The following DCLK1 variants were observed in gnomAD, a reference collection of about 807,000 sequenced individuals.
The protein encoded by DCLK1 is doublecortin like kinase 1, also known as serine/threonine-protein kinase DCLK1.
In DCLK1, 16 loss-of-function variants were observed where a neutral mutation model predicts 86.2. The observed-to-expected ratio is 0.19, with a 90% CI of 0.13 to 0.28. The LOEUF is 0.28. Among genes scored for constraint, DCLK1 ranks in the 10% least tolerant of loss-of-function variants. The probability of loss-of-function intolerance (pLI) is 1.00; values close to 1 mark genes in which losing one functional copy is unlikely to be tolerated. For synonymous variants in DCLK1, 369 were observed against 370.5 expected (o/e 1.00, Z 0.05); for missense variants, 590 against 940.2 (o/e 0.63, Z 4.87).
At chr13:36,073,411 G>A (rs1008385889) in intron 3 of DCLK1, among the ~76,000 whole-genome samples, 7 of 152,032 alleles carry the variant, frequency 4.6e-5, no homozygotes, top group Admixed American at 1.3e-4. Context: ...ATCATTATTT[G>A]CCCAATTCTA....
chr13:35,828,650 T>C (rs189777417), intron 8 of DCLK1, among the ~76,000 whole-genome samples: 3 of 150,266 alleles, frequency 2.0e-5, no homozygotes, highest in Admixed American at 2.0e-4. Flanking sequence ...TGGAAAACTT[T>C]CTAATAAACT....
At chr13:35,879,086 A>C (rs1220623518) in intron 4 of DCLK1, among the ~76,000 whole-genome samples, 1 of 152,204 alleles carries the variant, frequency 6.6e-6, no homozygotes, top group Non-Finnish European at 1.5e-5. Flanking sequence ...CACCGGGCCA[A>C]AAATTAAAAA....
intron 3 of DCLK1, among the ~76,000 whole-genome samples, chr13:36,050,874 A>G (rs973244016): frequency 5.3e-5 from 8 of 152,166 alleles, no homozygotes; most frequent in Non-Finnish European, 1.0e-4. Flanking sequence ...CTGGTCATCA[A>G]GTGGACCAGT....
intron 1 of DCLK1, among the ~76,000 whole-genome samples, chr13:36,130,459 CT>C (rs1208381156): frequency 6.6e-6 from 1 of 152,190 alleles, no homozygotes; most frequent in Non-Finnish European, 1.5e-5. Flanking sequence ...AAAGCAGCCT[CT>C]TTTGTGGGGC....
At chr13:35,788,194 A>G in intron 16 of DCLK1, 3 of 1,613,102 alleles carry the variant, frequency 1.9e-6, no homozygotes, top group Non-Finnish European at 2.5e-6. Context: ...CTGACTGTTG[A>G]GCTGCACCAT....
At position 36,110,695 on chromosome 13, in the gene DCLK1, CA is replaced by C. The variant is rs1363705634; in HGVS notation, c.723+1173del. Among the ~76,000 whole-genome samples, 7 of 151,782 alleles carry C rather than the reference CA, an allele frequency of 4.6e-5. No homozygotes were observed. In the South Asian group the frequency reaches 8.3e-4, roughly 18 times the overall value. On this transcript the variant is annotated intron_variant, in intron 3 of 16. Coordinates refer to ENST00000360631, the MANE Select transcript of DCLK1 (RefSeq NM_001330071.2). ...CATACAAATCATTCAAATTATCCCT[CA>C]AAAAAAATTTTTTAAAAAAGCATTT... is the stretch of plus-strand genomic sequence containing the variant.
At chr13:35,816,182 C>T (rs891920943) in intron 11 of DCLK1, among the ~76,000 whole-genome samples, 2 of 152,152 alleles carry the variant, frequency 1.3e-5, no homozygotes, top group South Asian at 2.1e-4. Flanking sequence ...TTTTAAAAAA[C>T]GTTATTACAT....
At chr13:35,882,676 T>C (rs1441500677) in intron 4 of DCLK1, among the ~76,000 whole-genome samples, 4 of 152,196 alleles carry the variant, frequency 2.6e-5, no homozygotes, top group Non-Finnish European at 5.9e-5. Context: ...GGAATATTTA[T>C]TTCCCTGCAA....
chr13:35,841,309 C>T (rs1347536992), intron 6 of DCLK1, among the ~76,000 whole-genome samples: 1 of 152,138 alleles, frequency 6.6e-6, no homozygotes, highest in Non-Finnish European at 1.5e-5. Context: ...ATCAGGTACT[C>T]GATACAGAGC....
intron 3 of DCLK1, among the ~76,000 whole-genome samples, chr13:36,045,377 T>TATA (rs568110221): frequency 8.9e-4 from 111 of 124,914 alleles, no homozygotes; most frequent in South Asian, 1.3e-3. Flanking sequence ...TATATATATA[T>TATA]TTCAAGGTAA....
chr13:36,110,363 T>C (rs975821049), intron 3 of DCLK1, among the ~76,000 whole-genome samples: 1 of 152,124 alleles, frequency 6.6e-6, no homozygotes, highest in Non-Finnish European at 1.5e-5. Context: ...CATTAGAGAA[T>C]CTCATCCATT....
At chr13:35,866,008 A>G (rs1407096108) in intron 5 of DCLK1, among the ~76,000 whole-genome samples, 1 of 152,132 alleles carries the variant, frequency 6.6e-6, no homozygotes, top group Admixed American at 6.6e-5. Flanking sequence ...AACTCTAGTA[A>G]GTGGAGGTGA....
intron 16 of DCLK1, among the ~76,000 whole-genome samples, chr13:35,780,727 G>T (rs1345949049): frequency 6.6e-6 from 1 of 152,222 alleles, no homozygotes; most frequent in Non-Finnish European, 1.5e-5. Flanking sequence ...GTAAGCCCTG[G>T]CTTATCACAA....
rs574290181 is a variant in DCLK1 at position 36,006,531 on chromosome 13, G to C, written c.724-59074C>G. ...TCTTGTGAAACAGTTTTTGCCTGCT[G>C]TACAAAACCTGCTTTGCCACTTTCC... On this transcript the variant is annotated intron_variant, in intron 3 of 16. Coordinates refer to ENST00000360631, the MANE Select transcript of DCLK1 (RefSeq NM_001330071.2). Among the ~76,000 whole-genome samples the C allele has an allele frequency of 3.9e-5, 6 of 152,326 alleles. No individual in the cohort carries two copies. The South Asian group carries it at 1.2e-3, about 32-fold the overall frequency.
At chr13:36,094,029 C>T (rs1028442937) in intron 3 of DCLK1, among the ~76,000 whole-genome samples, 2 of 152,192 alleles carry the variant, frequency 1.3e-5, no homozygotes, top group African/African-American at 4.8e-5. Context: ...GATGGCACTA[C>T]AGGCACCCAG....
chr13:36,076,352 A>G (rs1018212814), intron 3 of DCLK1, among the ~76,000 whole-genome samples: 2 of 152,194 alleles, frequency 1.3e-5, no homozygotes, highest in African/African-American at 4.8e-5. Context: ...TTTAAATATC[A>G]TCTTCATTTT....
chr13:35,882,149 T>C (rs538767521), intron 4 of DCLK1, among the ~76,000 whole-genome samples: 1 of 152,294 alleles, frequency 6.6e-6, no homozygotes, highest in East Asian at 1.9e-4. Context: ...TGGAATCCGT[T>C]CCTTGTCGCT....
chr13:35,836,180 G>A, intron 7 of DCLK1, 39 bp from the exon 8 acceptor site: 1 of 1,510,256 alleles, frequency 6.6e-7, no homozygotes, highest in Non-Finnish European at 9.1e-7. Flanking sequence ...GGTTGAAAAG[G>A]GAACACAGAT....
At chr13:35,886,925 G>A (rs1287639944) in intron 4 of DCLK1, among the ~76,000 whole-genome samples, 1 of 152,158 alleles carries the variant, frequency 6.6e-6, no homozygotes. Context: ...CACTTGCTAG[G>A]AGCTTCAGTA....
Sources: allele counts gnomAD v4.1 joint callset (sites outside exome capture counted in the v4.1 genomes callset), GRCh38; gene constraint gnomAD v4.1.1; transcripts MANE v1.5; gene names NCBI Gene and HGNC (gene_info 2026-07-23, HGNC 2026-07-21).